TNFRSF10A: variants seen among roughly 807,000 people sequenced by gnomAD.
The protein encoded by TNFRSF10A is tumor necrosis factor receptor superfamily member 10A.
A neutral mutation model predicts 42.8 loss-of-function variants in TNFRSF10A; 44 were observed. The observed-to-expected ratio is 1.03, with a 90% CI of 0.81 to 1.32. The LOEUF (loss-of-function observed/expected upper bound fraction) is 1.32, where lower values mean the gene tolerates loss of function less well. Ranked by LOEUF, TNFRSF10A falls within the 40% of genes most tolerant of loss-of-function variation. TNFRSF10A has a pLI of 0.00. For missense variants in TNFRSF10A, 680 were observed against 602.0 expected (o/e 1.13, Z -1.36); for synonymous variants, 259 against 234.2 (o/e 1.11, Z -0.97).
Position 23,199,929 on chromosome 8 carries a change from G to C in TNFRSF10A, c.800-12C>G, listed in dbSNP as rs1188939162. Reference sequence around the variant, plus strand: ...GTCCCCTCCACAACCTAGAAGAGAAGACGGTTCCCTTAGTGGCCAGGGAGG... The same window carrying C: ...GTCCCCTCCACAACCTAGAAGAGAACACGGTTCCCTTAGTGGCCAGGGAGG... On this transcript the variant is annotated splice_polypyrimidine_tract_variant and intron_variant, in intron 6 of 9. Transcript: ENST00000221132. 1 of 1,614,036 alleles carries C rather than the reference G, an allele frequency of 6.2e-7. No individual in the cohort carries two copies. The highest frequency in any genetic ancestry group is 2.2e-5 in the East Asian group (1 of 44,844).
At chr8:23,219,269 G>A (rs1427351870) in intron 1 of TNFRSF10A, among the ~76,000 whole-genome samples, 1 of 151,746 alleles carries the variant, frequency 6.6e-6, no homozygotes, top group Non-Finnish European at 1.5e-5. Flanking sequence ...CTACTTCCTG[G>A]GTGAGTGACT....
At chr8:23,214,876 T>C (rs1402867276) in intron 1 of TNFRSF10A, among the ~76,000 whole-genome samples, 2 of 152,214 alleles carry the variant, frequency 1.3e-5, no homozygotes, top group Non-Finnish European at 1.5e-5. Flanking sequence ...AGCCTGCCAA[T>C]GTCCCATGAA....
intron 9 of TNFRSF10A, 73 bp from the exon 10 acceptor site, chr8:23,192,086 C>G (rs1800763421): frequency 6.5e-7 from 1 of 1,535,654 alleles, no homozygotes; most frequent in Non-Finnish European, 8.7e-7. Flanking sequence ...GATCCCACAT[C>G]AGGCCCAGAA....
At position 23,191,559 on chromosome 8, in the gene TNFRSF10A, CA is replaced by C; in HGVS notation, c.*134del. The C allele has an allele frequency of 7.5e-7, 1 of 1,331,820 alleles. No homozygotes were observed. The highest frequency in any genetic ancestry group is 9.9e-7 in the Non-Finnish European group (1 of 1,008,288). 82.5% of individuals were successfully genotyped at this position (1,331,820 alleles called of 1,614,324 possible). A position where few individuals can be genotyped will look rare whatever the true frequency, so the allele number is the denominator to read the frequency against. ...AAGTGATCCACCCGCCTCAGCCTCC[CA>C]AAGTGCTGGGATTACAGGCATGAGC... On this transcript the variant is annotated 3_prime_UTR_variant, in exon 10 of 10. Coordinates refer to ENST00000221132, the MANE Select transcript of TNFRSF10A (RefSeq NM_003844.4).
At chr8:23,208,969 C>T (rs1217968637) in intron 2 of TNFRSF10A, among the ~76,000 whole-genome samples, 1 of 152,206 alleles carries the variant, frequency 6.6e-6, no homozygotes, top group Non-Finnish European at 1.5e-5. Context: ...CCTCCCATCA[C>T]AGGCCCGAAG....
intron 2 of TNFRSF10A, among the ~76,000 whole-genome samples, chr8:23,211,763 G>T (rs546107708): frequency 2.0e-4 from 30 of 152,314 alleles, no homozygotes; most frequent in African/African-American, 7.2e-4. Context: ...GGATGCCAAG[G>T]CCATTTAATG....
chr8:23,191,795 C>G lies in TNFRSF10A; in HGVS notation c.1306G>C (p.Glu436Gln), dbSNP rs951342269. 2.4e-5 allele frequency: 39 copies of G among 1,613,990 alleles called. No homozygotes were observed. The East Asian group carries it at 8.7e-4, about 36-fold the overall frequency. The change falls in exon 10 of 10, where the codon GAA becomes CAA. Residue 436 changes from glutamate (E) to glutamine (Q), a missense_variant. Glu to Gln is a conservative substitution (Grantham distance 29). Transcript: ENST00000221132. The stretch of plus-strand genomic sequence containing the variant: ...ATCTTCTCTCTTGCATGTCTCTCTT[C>G]CATCCTCTCCAAGGCATCCAGCAGG... ...HTLLDALERM[E>Q]ERHAREKIQD... is the part of the protein sequence containing the mutation.
chr8:23,209,716 T>C (rs1159933382), intron 2 of TNFRSF10A, among the ~76,000 whole-genome samples: 1 of 152,232 alleles, frequency 6.6e-6, no homozygotes, highest in Non-Finnish European at 1.5e-5. Context: ...GTACCCCCAT[T>C]ATATCTAGGA....
chr8:23,224,937 G>GCGGAAGA lies in TNFRSF10A; in HGVS notation c.118_124dup (p.Ala42ValfsTer7). ...CCCGCCTCGTGGTTCAATCCTCCCC[G>GCGGAAGA]CGGAAGAGCCCCACACTTTGCTGGG... On this transcript the variant is annotated frameshift_variant, in exon 1 of 10. Coordinates refer to ENST00000221132, the MANE Select transcript of TNFRSF10A (RefSeq NM_003844.4). LOFTEE classifies it high-confidence loss of function. 1 of 1,599,754 alleles carries GCGGAAGA rather than the reference G, an allele frequency of 6.3e-7. No homozygotes were observed. The highest frequency in any genetic ancestry group is 8.5e-7 in the Non-Finnish European group (1 of 1,173,418).
rs1010947346 is a variant in TNFRSF10A, at chr8:23,190,551, T to C, written c.*1143A>G. Reference sequence around the variant, plus strand: ...AAAAAAGTACTTTTATATACAAAAGTCCAAATTTCCAAAGGTATATGTACT... The same window carrying C: ...AAAAAAGTACTTTTATATACAAAAGCCCAAATTTCCAAAGGTATATGTACT... On this transcript the variant is annotated 3_prime_UTR_variant, in exon 10 of 10. Coordinates refer to ENST00000221132, the MANE Select transcript of TNFRSF10A (RefSeq NM_003844.4). The C allele has an allele frequency of 6.6e-6, 1 of 152,192 alleles. No individual in the cohort carries two copies. The highest frequency in any genetic ancestry group is 2.4e-5 in the African/African-American group (1 of 41,446). The allele number at this position is 152,192 out of a possible 1,614,324, so 9.4% of individuals were successfully genotyped here. A position where few individuals can be genotyped will look rare whatever the true frequency, so the allele number is the denominator to read the frequency against.
At chr8:23,195,514 G>A (rs537104216) in intron 9 of TNFRSF10A, among the ~76,000 whole-genome samples, 54 of 150,556 alleles carry the variant, frequency 3.6e-4, no homozygotes, top group Non-Finnish European at 6.9e-4. Context: ...TAATAACAAC[G>A]TTTTCTTTTA....
At chr8:23,199,940 T>C (rs1336898779) in intron 6 of TNFRSF10A, 23 bp from the exon 7 acceptor site, 2 of 1,613,830 alleles carry the variant, frequency 1.2e-6, no homozygotes, top group Non-Finnish European at 1.7e-6. Flanking sequence ...ACGGTTCCCT[T>C]AGTGGCCAGG....
rs749042542 is a variant in TNFRSF10A, at chr8:23,200,689, G to A, written c.701C>T (p.Ser234Leu). The A allele has an allele frequency of 6.6e-7, 1 of 1,520,000 alleles. No homozygotes were observed. Among genetic ancestry groups the A allele is most frequent in the Middle Eastern group, 1.8e-4 (1 of 5,574 alleles). The allele number at this position is 1,520,000 out of a possible 1,614,324, so 94.2% of individuals were successfully genotyped here. Reference protein sequence around the residue: ...WSDIECVHKESGNGHNIWVIL... With the variant: ...WSDIECVHKELGNGHNIWVIL... The stretch of plus-strand genomic sequence containing the variant: ...GGCTTCCCCAGTGGGCTTTGTACCT[G>A]ATTCTTTGTGGACACACTCGATGTC... Residue 234 changes from serine to leucine, a missense_variant and splice_region_variant, in exon 5 of 10, where the codon TCA becomes TTA. By Grantham distance (145) the Ser-to-Leu change is moderately radical. Coordinates refer to ENST00000221132, the MANE Select transcript of TNFRSF10A (RefSeq NM_003844.4).
rs1563386229 is a variant in TNFRSF10A, at chr8:23,217,521, T to G, written c.307-5309A>C. Among the ~76,000 whole-genome samples, 4 of 152,050 alleles carry G rather than the reference T, an allele frequency of 2.6e-5. No homozygotes were observed. The South Asian group carries it at 8.3e-4, about 32-fold the overall frequency. ...GTGAGCCACTGCGCCCGGCCTGAAT[T>G]CACTTCTAACACTAAAAATAGTACC... On this transcript the variant is annotated intron_variant, in intron 1 of 9. Transcript: ENST00000221132.
rs1800753355 is a variant in TNFRSF10A at position 23,191,538 on chromosome 8, G to A, written c.*156C>T. On this transcript the variant is annotated 3_prime_UTR_variant, in exon 10 of 10. Coordinates refer to ENST00000221132, the MANE Select transcript of TNFRSF10A (RefSeq NM_003844.4). The stretch of plus-strand genomic sequence containing the variant: ...TGGTCTTGAACTTCTGACCTCAAGT[G>A]ATCCACCCGCCTCAGCCTCCCAAAG... 9.1e-7 allele frequency: 1 copy of A among 1,103,688 alleles called. No individual in the cohort carries two copies. The highest frequency in any genetic ancestry group is 1.2e-6 in the Non-Finnish European group (1 of 801,716). 68.4% of individuals were successfully genotyped at this position (1,103,688 alleles called of 1,614,324 possible).
intron 2 of TNFRSF10A, among the ~76,000 whole-genome samples, chr8:23,208,406 T>C (rs569559958): frequency 4.6e-5 from 7 of 152,338 alleles, no homozygotes; most frequent in Non-Finnish European, 8.8e-5. Flanking sequence ...CAATGTTGCA[T>C]TCCTAGGATA....
chr8:23,218,892 A>G (rs77187903), intron 1 of TNFRSF10A, among the ~76,000 whole-genome samples: 3,739 of 152,326 alleles, frequency 0.025, 140 homozygotes, highest in African/African-American at 0.085. Flanking sequence ...TCATTTACAT[A>G]TGAAGTGCTA....
At chr8:23,208,904 C>A (rs2128849734) in intron 2 of TNFRSF10A, among the ~76,000 whole-genome samples, 1 of 152,268 alleles carries the variant, frequency 6.6e-6, no homozygotes, top group African/African-American at 2.4e-5. Flanking sequence ...AGTGTTAATC[C>A]CCAAGACAAT....
chr8:23,214,936 G>A (rs1222481818), intron 1 of TNFRSF10A, among the ~76,000 whole-genome samples: 4 of 152,222 alleles, frequency 2.6e-5, no homozygotes, highest in African/African-American at 7.2e-5. Flanking sequence ...TTCAGGACAG[G>A]ATTTCTGTGC....
Sources: allele counts gnomAD v4.1 joint callset (sites outside exome capture counted in the v4.1 genomes callset), GRCh38; gene constraint gnomAD v4.1.1; transcripts MANE v1.5; gene names NCBI Gene and HGNC (gene_info 2026-07-23, HGNC 2026-07-21).